CFAP92: variants seen among roughly 807,000 people sequenced by gnomAD.
CFAP92 encodes cilia and flagella associated protein 92 (putative), also known as uncharacterized protein CFAP92.
In CFAP92, 86 loss-of-function variants were observed where a neutral mutation model predicts 106.3. The observed-to-expected ratio is 0.81, with a 90% confidence interval of 0.68 to 0.97. CFAP92 has a LOEUF of 0.97. Ranked by LOEUF, CFAP92 falls within the 50% of genes least tolerant of loss-of-function variation. CFAP92 has a pLI of 0.00. For missense variants in CFAP92, 1,204 were observed against 1,283.8 expected, an observed-to-expected ratio of 0.94 and a Z score of 0.95; for synonymous variants, 477 against 506.4, an observed-to-expected ratio of 0.94 and a Z score of 0.78.
the CFAP92 span, among the ~76,000 whole-genome samples, chr3:129,015,613 T>G: frequency 6.6e-6 from 1 of 151,622 alleles, no homozygotes; most frequent in Non-Finnish European, 1.5e-5. Context: ...TGTCCGTGTC[T>G]GCTCGCACAC....
intron 9 of CFAP92, among the ~76,000 whole-genome samples, chr3:128,951,378 A>C (rs927752319): frequency 2.6e-5 from 4 of 152,194 alleles, no homozygotes; most frequent in African/African-American, 9.6e-5. Context: ...TTCTAGGTTG[A>C]AATGGCCCAC....
In CFAP92 at chr3:128,921,818, G is replaced by T. The variant is rs1016445529; in HGVS notation, c.2752-5547C>A. Reference sequence around the variant, plus strand: ...CCAAGGCATATCCGGCACAGCCAGTGCCCTTACAAACATACAACAATTGTC... The same window carrying T: ...CCAAGGCATATCCGGCACAGCCAGTTCCCTTACAAACATACAACAATTGTC... On this transcript the variant is annotated intron_variant, in intron 12 of 15. Coordinates refer to ENST00000645291, the MANE Select transcript of CFAP92 (RefSeq NM_001394090.1). 6.0e-4 allele frequency among the ~76,000 whole-genome samples: 92 copies of T among 152,154 alleles called. 1 individual carries two copies. The highest frequency in any genetic ancestry group is 2.0e-3 in the African/African-American group (84 of 41,418).
intron 2 of CFAP92, among the ~76,000 whole-genome samples, chr3:128,991,227 G>C (rs1444441355): frequency 6.6e-6 from 1 of 152,132 alleles, no homozygotes; most frequent in East Asian, 1.9e-4. Flanking sequence ...TCTTTTTCCA[G>C]GCTCTTTTGC....
At chr3:129,003,752 C>A, upstream of CFAP92, 1 of 1,344,270 alleles carries the variant, frequency 7.4e-7, no homozygotes, top group South Asian at 1.6e-5. Flanking sequence ...GTGCATCTGG[C>A]TGGGGCACTT....
At chr3:129,003,826 C>G, upstream of CFAP92, 1 of 1,465,138 alleles carries the variant, frequency 6.8e-7, no homozygotes, top group Non-Finnish European at 9.0e-7. Context: ...CGAGCACCCA[C>G]GAGATGGGGC....
the CFAP92 span, among the ~76,000 whole-genome samples, chr3:129,014,302 T>C: frequency 6.6e-6 from 1 of 152,218 alleles, no homozygotes; most frequent in Non-Finnish European, 1.5e-5. The surrounding 1 kb of genome is among the most constrained non-coding windows in gnomAD (Gnocchi z 4.3). Context: ...CAGCTCGGGC[T>C]GCTGTGACAA....
At position 128,932,932 on chromosome 3, in the gene CFAP92, G is replaced by A; in HGVS notation, c.2519C>T (p.Ser840Phe). ...GCTCAAGTCTTTTATCATAGCAGAG[G>A]AGGGCAGCAGGTCCCTCACCGTCAC... ...WDVTVRDLLP[S>F]SAMIKDLSQE... is the part of the protein sequence containing the mutation. The change falls in exon 12 of 16, where the codon TCC becomes TTC. Residue 840 changes from serine to phenylalanine, a missense_variant. Physicochemically the swap from Ser to Phe is radical, Grantham distance 155. Transcript: ENST00000645291. 1 of 1,536,146 alleles carries A rather than the reference G, an allele frequency of 6.5e-7. No homozygotes were observed. The highest frequency in any genetic ancestry group is 8.7e-7 in the Non-Finnish European group (1 of 1,146,898).
the CFAP92 span, among the ~76,000 whole-genome samples, chr3:129,013,577 A>G: frequency 2.0e-5 from 3 of 152,126 alleles, no homozygotes; most frequent in Admixed American, 6.5e-5. Context: ...TATCCTCCCA[A>G]TCACCCCCAT....
intron 7 of CFAP92, among the ~76,000 whole-genome samples, chr3:128,975,413 AGATGGATGGATAGGGATG>A (rs1559919278): frequency 6.6e-6 from 1 of 150,510 alleles, no homozygotes; most frequent in African/African-American, 2.5e-5. Context: ...GGATGGATGG[AGATGGATGGATAGGGATG>A]GATGGATGGA....
Position 128,961,758 on chromosome 3 carries a change from G to A in CFAP92, c.1353+3753C>T, listed in dbSNP as rs770527374. Among the ~76,000 whole-genome samples, 6 of 152,188 alleles carry A rather than the reference G, an allele frequency of 3.9e-5. No homozygotes were observed. In the East Asian group the frequency reaches 5.8e-4, roughly 15 times the overall value. On this transcript the variant is annotated intron_variant, in intron 9 of 15. Coordinates refer to ENST00000645291, the MANE Select transcript of CFAP92 (RefSeq NM_001394090.1). Reference sequence around the variant, plus strand: ...ACATTTTATTACCCAATCTGCTCCCGACATTAAATAAAACTCCAAAAATTA... The same window carrying A: ...ACATTTTATTACCCAATCTGCTCCCAACATTAAATAAAACTCCAAAAATTA...
At chr3:128,984,891 G>A (rs1576627519) in intron 4 of CFAP92, among the ~76,000 whole-genome samples, 1 of 152,270 alleles carries the variant, frequency 6.6e-6, no homozygotes, top group African/African-American at 2.4e-5. Flanking sequence ...GCACTCCCAA[G>A]AAATAAGAGT....
At chr3:129,005,286 G>A (rs1220927407), upstream of CFAP92, among the ~76,000 whole-genome samples, 1 of 152,240 alleles carries the variant, frequency 6.6e-6, no homozygotes, top group Admixed American at 6.5e-5. Flanking sequence ...CTTGAGGATA[G>A]GATGTTACCG....
At chr3:128,961,980 A>T (rs1214168356) in intron 9 of CFAP92, among the ~76,000 whole-genome samples, 17 of 152,018 alleles carry the variant, frequency 1.1e-4, no homozygotes, top group East Asian at 1.9e-4. Flanking sequence ...GGAGCTTGCT[A>T]CAAGTGCCAG....
At chr3:128,925,460 C>T (rs962464649) in intron 12 of CFAP92, among the ~76,000 whole-genome samples, 1 of 151,816 alleles carries the variant, frequency 6.6e-6, no homozygotes, top group African/African-American at 2.4e-5. Context: ...GTTGGGGACC[C>T]CTGCATCAGA....
At chr3:128,927,597 G>A (rs1013466537) in intron 12 of CFAP92, among the ~76,000 whole-genome samples, 10 of 151,684 alleles carry the variant, frequency 6.6e-5, no homozygotes, top group African/African-American at 1.7e-4. Context: ...GGTGGCGGGC[G>A]CCTGTAGTCC....
At chr3:128,940,234 G>T (rs1939491889) in intron 10 of CFAP92, among the ~76,000 whole-genome samples, 1 of 152,032 alleles carries the variant, frequency 6.6e-6, no homozygotes, top group Non-Finnish European at 1.5e-5. Context: ...CCATCTTTTG[G>T]CTATTATGAA....
At chr3:128,916,082 C>CTAT (rs1166180486) in intron 13 of CFAP92, 25 bp downstream of exon 13, 1 of 1,231,820 alleles carries the variant, frequency 8.1e-7, no homozygotes, top group Non-Finnish European at 1.0e-6. Context: ...TTGCCAACTG[C>CTAT]CATCATCCTG....
At chr3:128,952,859 T>C (rs1189620443) in intron 9 of CFAP92, among the ~76,000 whole-genome samples, 1 of 149,180 alleles carries the variant, frequency 6.7e-6, no homozygotes, top group Non-Finnish European at 1.5e-5. Flanking sequence ...GCCAAGGGGG[T>C]GGCTCACGAG....
upstream of CFAP92, among the ~76,000 whole-genome samples, chr3:129,007,612 G>A (rs1945130514): frequency 6.6e-6 from 1 of 152,208 alleles, no homozygotes; most frequent in African/African-American, 2.4e-5. Flanking sequence ...TCTAAGGTTG[G>A]TATTATGTCG....
Sources: allele counts gnomAD v4.1 joint callset (sites outside exome capture counted in the v4.1 genomes callset), GRCh38; gene constraint gnomAD v4.1.1; non-coding constraint Gnocchi (gnomAD v3.1); transcripts MANE v1.5; gene names NCBI Gene and HGNC (gene_info 2026-07-23, HGNC 2026-07-21).